The following ZSWIM5 variants were observed in gnomAD, a reference collection of about 807,000 sequenced individuals.
The protein encoded by ZSWIM5 is zinc finger SWIM-type containing 5.
ZSWIM5 carries 55 observed loss-of-function variants against 119.6 expected under a neutral mutation model. The observed-to-expected ratio is 0.46, with a 90% CI of 0.37 to 0.58. The LOEUF (loss-of-function observed/expected upper bound fraction) is 0.58, where lower values mean the gene tolerates loss of function less well. Among genes scored for constraint, ZSWIM5 ranks in the 20% least tolerant of loss-of-function variants. The pLI is 0.00. For missense variants in ZSWIM5, 1,193 were observed against 1,512.8 expected, an observed-to-expected ratio of 0.79 and a Z score of 3.51; for synonymous variants, 537 against 606.9, an observed-to-expected ratio of 0.88 and a Z score of 1.69.
chr1:45,059,322 A>C (rs1027560625), intron 3 of ZSWIM5, among the ~76,000 whole-genome samples: 6 of 152,226 alleles, frequency 3.9e-5, no homozygotes, highest in African/African-American at 1.4e-4. Flanking sequence ...GTTCAGACAT[A>C]AAAAGGAATG....
intron 1 of ZSWIM5, among the ~76,000 whole-genome samples, chr1:45,166,734 G>C (rs1231379117): frequency 3.9e-5 from 6 of 152,092 alleles, no homozygotes; most frequent in African/African-American, 1.4e-4. Context: ...GCTTCAAAGA[G>C]AATAAAATAC....
At chr1:45,146,998 A>G (rs1645765577) in intron 1 of ZSWIM5, among the ~76,000 whole-genome samples, 1 of 152,150 alleles carries the variant, frequency 6.6e-6, no homozygotes, top group Non-Finnish European at 1.5e-5. Flanking sequence ...TGGTTTCCCC[A>G]CGTCCCAATG....
intron 2 of ZSWIM5, among the ~76,000 whole-genome samples, chr1:45,084,666 C>A (rs1270435460): frequency 6.6e-6 from 1 of 152,234 alleles, no homozygotes; most frequent in Admixed American, 6.5e-5. Flanking sequence ...CCAACCAAGT[C>A]CAAAACCCAG....
intron 4 of ZSWIM5, among the ~76,000 whole-genome samples, chr1:45,052,641 T>G (rs1645095844): frequency 6.6e-6 from 1 of 151,608 alleles, no homozygotes. Context: ...CATGGTGGTA[T>G]GCACCCAGCT....
intron 1 of ZSWIM5, among the ~76,000 whole-genome samples, chr1:45,154,304 A>C (rs1645814557): frequency 6.6e-6 from 1 of 152,196 alleles, no homozygotes; most frequent in African/African-American, 2.4e-5. Context: ...TGGACTAAGC[A>C]AAAAGTACAA....
chr1:45,196,685 C>T (rs1376541606), intron 1 of ZSWIM5, among the ~76,000 whole-genome samples: 1 of 150,510 alleles, frequency 6.6e-6, no homozygotes, highest in South Asian at 2.1e-4. Flanking sequence ...CCACCACGCC[C>T]GGCTGAAGCC....
chr1:45,081,036 G>C (rs1264627682), intron 2 of ZSWIM5, among the ~76,000 whole-genome samples: 5 of 152,166 alleles, frequency 3.3e-5, no homozygotes. Flanking sequence ...TTTTATTCCT[G>C]CTGTTTTAGG....
At chr1:45,200,614 C>T (rs1437742533) in intron 1 of ZSWIM5, among the ~76,000 whole-genome samples, 1 of 151,894 alleles carries the variant, frequency 6.6e-6, no homozygotes, top group African/African-American at 2.4e-5. Flanking sequence ...ATATGTATAC[C>T]ATGAGTGCTA....
In ZSWIM5 at chr1:45,048,090, T is replaced by C. The variant is rs200062560; in HGVS notation, c.1432+2984A>G. ...CTTTCCTTTTCTTTTCTCTTTTTTT[T>C]TTTTTTTTTTTGAGACAGGGTCTCA... On this transcript the variant is annotated intron_variant, in intron 5 of 13. Coordinates refer to ENST00000359600, the MANE Select transcript of ZSWIM5 (RefSeq NM_020883.2). 4.3e-3 allele frequency among the ~76,000 whole-genome samples: 636 copies of C among 147,410 alleles called. 28 individuals are homozygous for C. The East Asian group carries it at 0.077, about 18-fold the overall frequency.
rs777495038 is a variant in ZSWIM5, at chr1:45,058,723, C to G, written c.1138G>C (p.Ala380Pro). ...TCAGTTATTAGTGTCAGCATCCTTG[C>G]TCCATTGGAATCTCTCATCCGCAGC... is the stretch of plus-strand genomic sequence containing the variant. The part of the protein sequence containing the change: ...EMLRMRDSNG[A>P]RMLTLITEQF... The change falls in exon 4 of 14, where the codon GCA becomes CCA. Residue 380 changes from alanine (A) to proline (P), a missense_variant. Ala to Pro is a conservative substitution (Grantham distance 27, BLOSUM62 -1). This residue lies in a region of ZSWIM5 where 961 missense variants were observed against 1,290.0 expected (regional missense o/e 0.74). Coordinates refer to ENST00000359600, the MANE Select transcript of ZSWIM5 (RefSeq NM_020883.2). 1.2e-6 allele frequency: 2 copies of G among 1,614,194 alleles called. No individual in the cohort carries two copies. The highest frequency in any genetic ancestry group is 1.1e-5 in the South Asian group (1 of 91,088).
At chr1:45,187,271 T>C (rs1646064849) in intron 1 of ZSWIM5, among the ~76,000 whole-genome samples, 1 of 152,070 alleles carries the variant, frequency 6.6e-6, no homozygotes, top group Non-Finnish European at 1.5e-5. Context: ...ATCAATGGAA[T>C]AGAATTGAGA....
rs58028758 is a variant in ZSWIM5, at chr1:45,071,454, C to CTTTTTTTTT, written c.953-11216_953-11208dup. ...CATGTTGTTGCAAATGACAGAATCT[C>CTTTTTTTTT]TTTTTTTTTTTTTTTTTTTGAGATA... On this transcript the variant is annotated intron_variant, in intron 2 of 13. Transcript: ENST00000359600. Among the ~76,000 whole-genome samples the CTTTTTTTTT allele has an allele frequency of 4.6e-4, 43 of 93,732 alleles. 4 individuals carry two copies. The highest frequency in any genetic ancestry group is 8.8e-4 in the African/African-American group (21 of 23,778). The allele number at this position is 93,732 out of a possible 152,430, so 61.5% of individuals were successfully genotyped here.
intron 1 of ZSWIM5, among the ~76,000 whole-genome samples, chr1:45,151,265 C>G (rs910733484): frequency 1.3e-5 from 2 of 151,740 alleles, no homozygotes; most frequent in African/African-American, 4.8e-5. Flanking sequence ...TAAAAATGGT[C>G]TATGTCAACC....
At chr1:45,200,315 T>A (rs113347138) in intron 1 of ZSWIM5, among the ~76,000 whole-genome samples, 2,191 of 152,290 alleles carry the variant, frequency 0.014, 64 homozygotes, top group African/African-American at 0.051. Context: ...TATGATTTTC[T>A]TAGTCTACTA....
chr1:45,166,403 T>C (rs527405656), intron 1 of ZSWIM5, among the ~76,000 whole-genome samples: 5 of 152,194 alleles, frequency 3.3e-5, no homozygotes, highest in African/African-American at 1.2e-4. Flanking sequence ...CTTTGAAAAC[T>C]GGCACAAGAC....
intron 1 of ZSWIM5, among the ~76,000 whole-genome samples, chr1:45,200,042 T>G (rs1176619244): frequency 6.6e-6 from 1 of 152,188 alleles, no homozygotes; most frequent in Non-Finnish European, 1.5e-5. Flanking sequence ...TGCCAATACA[T>G]CTTTTAGGCT....
chr1:45,198,706 TA>T (rs1272266508), intron 1 of ZSWIM5, among the ~76,000 whole-genome samples: 6 of 152,110 alleles, frequency 3.9e-5, no homozygotes, highest in Admixed American at 3.9e-4. Flanking sequence ...CCCTAATCTT[TA>T]AAAAAATCTT....
chr1:45,101,251 C>T (rs546118176), intron 1 of ZSWIM5, among the ~76,000 whole-genome samples: 1 of 152,264 alleles, frequency 6.6e-6, no homozygotes, highest in East Asian at 1.9e-4. Context: ...AGACACTTCT[C>T]AAAAGGAGAC....
At chr1:45,022,118 T>C (rs1171984940) in intron 11 of ZSWIM5, among the ~76,000 whole-genome samples, 1 of 42,016 alleles carries the variant, frequency 2.4e-5, no homozygotes, top group Non-Finnish European at 8.1e-5. Context: ...TCTATGATTC[T>C]ACTTTATTTT....
Sources: allele counts gnomAD v4.1 joint callset (sites outside exome capture counted in the v4.1 genomes callset), GRCh38; gene constraint gnomAD v4.1.1; regional missense constraint gnomAD v4.1.1; transcripts MANE v1.5; gene names NCBI Gene and HGNC (gene_info 2026-07-23, HGNC 2026-07-21).